GRIA4: variants seen among roughly 807,000 people sequenced by gnomAD.
The protein encoded by GRIA4 is glutamate ionotropic receptor AMPA type subunit 4.
In GRIA4, 34 loss-of-function variants were observed where a neutral mutation model predicts 104.0. The ratio of observed to expected loss-of-function variants is 0.33; its 90% CI spans 0.25 to 0.44. GRIA4 has a LOEUF of 0.44. Among genes scored for constraint, GRIA4 ranks in the 20% least tolerant of loss-of-function variants. The probability of loss-of-function intolerance (pLI) is 1.00; values close to 1 mark genes in which losing one functional copy is unlikely to be tolerated. For synonymous variants in GRIA4, 386 were observed against 381.9 expected, an observed-to-expected ratio of 1.01 and a Z score of -0.13; for missense variants, 750 against 1,096.5, an observed-to-expected ratio of 0.68 and a Z score of 4.46.
chr11:105,922,192 T>C (rs1441074068), intron 11 of GRIA4, among the ~76,000 whole-genome samples: 2 of 152,254 alleles, frequency 1.3e-5, no homozygotes, highest in Non-Finnish European at 2.9e-5. Context: ...ATTACAGTAA[T>C]ACATAAAAGA....
intron 14 of GRIA4, among the ~76,000 whole-genome samples, chr11:105,964,020 G>A (rs1948800913): frequency 6.6e-6 from 1 of 152,086 alleles, no homozygotes; most frequent in Non-Finnish European, 1.5e-5. Context: ...GAGAATTTTA[G>A]TAGTTAACCT....
At chr11:105,831,940 C>G (rs1175197951) in intron 4 of GRIA4, among the ~76,000 whole-genome samples, 2 of 151,956 alleles carry the variant, frequency 1.3e-5, no homozygotes, top group Non-Finnish European at 2.9e-5. Context: ...CAATGTAAAA[C>G]CCAGGAGAAG....
At chr11:105,670,702 G>A (rs1002111179) in intron 3 of GRIA4, among the ~76,000 whole-genome samples, 6 of 152,084 alleles carry the variant, frequency 3.9e-5, no homozygotes, top group African/African-American at 7.2e-5. Flanking sequence ...TCAGCTAACA[G>A]TCATATCAGT....
At chr11:105,742,515 C>CGA (rs552925114) in intron 3 of GRIA4, among the ~76,000 whole-genome samples, 72 of 152,032 alleles carry the variant, frequency 4.7e-4, no homozygotes, top group Middle Eastern at 3.4e-3. Flanking sequence ...TGTAAACAAG[C>CGA]TCAAATTTCT....
chr11:105,942,950 A>G (rs1352137896), intron 14 of GRIA4, among the ~76,000 whole-genome samples: 1 of 152,158 alleles, frequency 6.6e-6, no homozygotes, highest in Non-Finnish European at 1.5e-5. Flanking sequence ...AGATTCTCAC[A>G]TCTCCTGGAC....
chr11:105,666,778 A>G (rs1413930646), intron 3 of GRIA4, among the ~76,000 whole-genome samples: 1 of 151,770 alleles, frequency 6.6e-6, no homozygotes, highest in Non-Finnish European at 1.5e-5. Context: ...TGTGCCTTGC[A>G]TGAAACATTA....
chr11:105,764,293 C>T (rs543177490), intron 4 of GRIA4, among the ~76,000 whole-genome samples: 32 of 152,186 alleles, frequency 2.1e-4, no homozygotes, highest in African/African-American at 5.1e-4. Context: ...CCCACTACCA[C>T]GCCCAGCTAA....
At chr11:105,659,578 A>G (rs1951946232) in intron 3 of GRIA4, among the ~76,000 whole-genome samples, 1 of 151,864 alleles carries the variant, frequency 6.6e-6, no homozygotes, top group Non-Finnish European at 1.5e-5. Flanking sequence ...CTAGAACAAC[A>G]TACCTCTATG....
intron 3 of GRIA4, among the ~76,000 whole-genome samples, chr11:105,696,586 A>G (rs577951805): frequency 6.6e-6 from 1 of 152,298 alleles, no homozygotes; most frequent in South Asian, 2.1e-4. Context: ...TATTAAATAC[A>G]ATAGGCACAC....
At chr11:105,867,675 C>T (rs751612332) in intron 5 of GRIA4, among the ~76,000 whole-genome samples, 10 of 151,614 alleles carry the variant, frequency 6.6e-5, no homozygotes, top group Non-Finnish European at 1.5e-5. Context: ...TTTTTTGTAC[C>T]AAAGCCAAAA....
chr11:105,651,540 T>G (rs4480512), intron 3 of GRIA4, among the ~76,000 whole-genome samples: 67,605 of 151,820 alleles, frequency 0.45, 15,207 homozygotes, highest in East Asian at 0.56. Flanking sequence ...CTATTTGGGA[T>G]GTAACTGGCT....
At chr11:105,797,720 T>G (rs1310802183) in intron 4 of GRIA4, 2 of 407,118 alleles carry the variant, frequency 4.9e-6, no homozygotes, top group Non-Finnish European at 9.9e-6. Context: ...CATTTCTCTT[T>G]TGTAGGACTT....
chr11:105,878,678 G>A (rs924623589), intron 5 of GRIA4, among the ~76,000 whole-genome samples: 6 of 152,284 alleles, frequency 3.9e-5, no homozygotes, highest in East Asian at 3.9e-4. Context: ...GGTGTGCTCC[G>A]CCCAGTTCAA....
At chr11:105,848,450 C>G (rs186622126) in intron 4 of GRIA4, among the ~76,000 whole-genome samples, 73 of 152,278 alleles carry the variant, frequency 4.8e-4, no homozygotes, top group Middle Eastern at 3.4e-3. Context: ...TTAGAACATA[C>G]ACTTTTTCTG....
intron 3 of GRIA4, among the ~76,000 whole-genome samples, chr11:105,658,540 G>A (rs949195340): frequency 1.3e-5 from 2 of 151,708 alleles, no homozygotes; most frequent in South Asian, 4.1e-4. Context: ...TGATTTCTGT[G>A]GGGACATGAA....
intron 10 of GRIA4, among the ~76,000 whole-genome samples, chr11:105,916,374 C>T (rs1947404118): frequency 6.6e-6 from 1 of 152,148 alleles, no homozygotes; most frequent in African/African-American, 2.4e-5. Context: ...AAGAACTTTA[C>T]ATTGTGCCCG....
At chr11:105,912,275 AATAT>A (rs1035842796) in intron 10 of GRIA4, 25 of 974,154 alleles carry the variant, frequency 2.6e-5, no homozygotes, top group Non-Finnish European at 2.8e-5. Flanking sequence ...TTGTTTTCTG[AATAT>A]ATACAGTTGT....
At chr11:105,943,838 T>C (rs1178670845) in intron 14 of GRIA4, among the ~76,000 whole-genome samples, 2 of 152,096 alleles carry the variant, frequency 1.3e-5, no homozygotes, top group Non-Finnish European at 2.9e-5. Context: ...TTACCATCTC[T>C]GCAGGTATTT....
chr11:105,849,931 C>G (rs1187678276), intron 4 of GRIA4, among the ~76,000 whole-genome samples: 1 of 152,148 alleles, frequency 6.6e-6, no homozygotes, highest in Non-Finnish European at 1.5e-5. Context: ...TGTGTTCTGT[C>G]ACACTGCAAC....
Sources: allele counts gnomAD v4.1 joint callset (sites outside exome capture counted in the v4.1 genomes callset), GRCh38; gene constraint gnomAD v4.1.1; transcripts MANE v1.5; gene names NCBI Gene and HGNC (gene_info 2026-07-23, HGNC 2026-07-21).